ESRRG: variants seen among roughly 807,000 people sequenced by gnomAD.
ESRRG encodes the protein estrogen-related receptor gamma.
A neutral mutation model predicts 44.0 loss-of-function variants in ESRRG; 13 were observed. The ratio of observed to expected loss-of-function variants is 0.30; its 90% CI spans 0.19 to 0.47. The LOEUF (loss-of-function observed/expected upper bound fraction) is 0.47, where lower values mean the gene tolerates loss of function less well. Among genes scored for constraint, ESRRG ranks in the 20% least tolerant of loss-of-function variants. The pLI, the probability that ESRRG is intolerant of heterozygous loss-of-function variation, is 1.00. For synonymous variants in ESRRG, 215 were observed against 214.6 expected (o/e 1.00, Z -0.02); for missense variants, 395 against 580.6 (o/e 0.68, Z 3.29).
intron 2 of ESRRG, among the ~76,000 whole-genome samples, chr1:216,817,894 C>T (rs943944352): frequency 6.6e-5 from 10 of 151,572 alleles, no homozygotes; most frequent in African/African-American, 2.4e-4. Flanking sequence ...ATAGAATATT[C>T]ATCCCTCTAA....
chr1:216,749,661 T>A (rs551248387), intron 2 of ESRRG, among the ~76,000 whole-genome samples: 1 of 152,314 alleles, frequency 6.6e-6, no homozygotes, highest in African/African-American at 2.4e-5. Context: ...TGAGCAATGC[T>A]ATTTTTAATA....
At chr1:216,636,272 ATAT>A (rs1379444506) in intron 3 of ESRRG, among the ~76,000 whole-genome samples, 1 of 152,222 alleles carries the variant, frequency 6.6e-6, no homozygotes, top group Non-Finnish European at 1.5e-5. Context: ...ACTTTGTAAG[ATAT>A]TATACTACTT....
At chr1:216,733,750 G>A (rs2152141422) in intron 2 of ESRRG, among the ~76,000 whole-genome samples, 1 of 152,116 alleles carries the variant, frequency 6.6e-6, no homozygotes, top group South Asian at 2.1e-4. Context: ...CAGCACTCTG[G>A]GAGCCTGAGG....
At chr1:216,655,029 T>G (rs983392497) in intron 2 of ESRRG, among the ~76,000 whole-genome samples, 6 of 152,196 alleles carry the variant, frequency 3.9e-5, no homozygotes, top group African/African-American at 1.2e-4. Context: ...GAAGGGAATC[T>G]GTCAAATAAT....
chr1:216,877,557 C>T (rs375660711), intron 2 of ESRRG, among the ~76,000 whole-genome samples: 1 of 152,032 alleles, frequency 6.6e-6, no homozygotes, highest in South Asian at 2.1e-4. Context: ...GCACGCACCA[C>T]CATACCTGGC....
At chr1:216,554,975 T>G (rs1198054614) in intron 5 of ESRRG, among the ~76,000 whole-genome samples, 1 of 152,176 alleles carries the variant, frequency 6.6e-6, no homozygotes, top group Non-Finnish European at 1.5e-5. Flanking sequence ...TCCCTGATAT[T>G]CCTCACACCT....
intron 2 of ESRRG, among the ~76,000 whole-genome samples, chr1:216,740,116 GCTACAGTCCTATCT>G (rs2090480760): frequency 6.6e-6 from 1 of 152,062 alleles, no homozygotes; most frequent in Admixed American, 6.6e-5. Context: ...TTTTTATCTG[GCTACAGTCCTATCT>G]CTAAATTCTC....
chr1:216,762,152 G>A (rs1349198511), intron 2 of ESRRG, among the ~76,000 whole-genome samples: 2 of 152,062 alleles, frequency 1.3e-5, no homozygotes, highest in Non-Finnish European at 2.9e-5. Flanking sequence ...TATTAAGAAT[G>A]AGCCTATTTC....
intron 2 of ESRRG, among the ~76,000 whole-genome samples, chr1:216,808,951 A>C (rs1382922680): frequency 2.0e-5 from 3 of 152,136 alleles, no homozygotes; most frequent in Admixed American, 1.3e-4. Flanking sequence ...GAAAGAAGAA[A>C]AGAGTTAAAA....
chr1:216,969,740 C>T (rs770811314), intron 1 of ESRRG, among the ~76,000 whole-genome samples: 2 of 152,100 alleles, frequency 1.3e-5, no homozygotes, highest in African/African-American at 4.8e-5. Flanking sequence ...CATGCACCAC[C>T]ATGCCCGGCT....
At chr1:216,772,555 T>A (rs2093426694) in intron 2 of ESRRG, among the ~76,000 whole-genome samples, 1 of 152,156 alleles carries the variant, frequency 6.6e-6, no homozygotes, top group Admixed American at 6.6e-5. Flanking sequence ...TAACATAAGT[T>A]TTCAAGCTGT....
At chr1:216,905,527 C>A (rs555998923) in intron 2 of ESRRG, among the ~76,000 whole-genome samples, 18 of 152,230 alleles carry the variant, frequency 1.2e-4, no homozygotes, top group African/African-American at 4.3e-4. Flanking sequence ...CCTACCACCA[C>A]CCTCTAGAAT....
chr1:216,825,835 T>C (rs749804285), intron 2 of ESRRG, among the ~76,000 whole-genome samples: 2 of 152,192 alleles, frequency 1.3e-5, no homozygotes, highest in Non-Finnish European at 2.9e-5. Context: ...AGCCCAGCAC[T>C]ACTGAAAGAT....
intron 2 of ESRRG, among the ~76,000 whole-genome samples, chr1:216,672,036 AGGAAAGAAAGAAGGAAGGAAGGAAGGAG>A (rs1298461247): frequency 7.4e-6 from 1 of 135,206 alleles, no homozygotes; most frequent in Non-Finnish European, 1.7e-5. Flanking sequence ...GAAGGAAGGA[AGGAAAGAAAGAAGGAAGGAAGGAAGGAG>A]GGAAAGAAGG....
At chr1:216,753,491 A>G (rs7529981) in intron 2 of ESRRG, among the ~76,000 whole-genome samples, 3,873 of 152,222 alleles carry the variant, frequency 0.025, 165 homozygotes, top group African/African-American at 0.088. Flanking sequence ...AAAAACAGTG[A>G]AAGAAAATGT....
chr1:216,860,579 G>A (rs981878410), intron 2 of ESRRG, among the ~76,000 whole-genome samples: 1 of 152,014 alleles, frequency 6.6e-6, no homozygotes, highest in Non-Finnish European at 1.5e-5. Context: ...GTGAAAGCAA[G>A]AAGACAATAT....
At chr1:216,904,207 C>CT (rs529999704) in intron 2 of ESRRG, among the ~76,000 whole-genome samples, 1 of 151,260 alleles carries the variant, frequency 6.6e-6, no homozygotes, top group Non-Finnish European at 1.5e-5. Flanking sequence ...AATCATCACC[C>CT]CCCCCAACTG....
intron 2 of ESRRG, among the ~76,000 whole-genome samples, chr1:216,914,391 T>C (rs945022531): frequency 9.9e-5 from 15 of 152,214 alleles, no homozygotes; most frequent in Non-Finnish European, 2.2e-4. Flanking sequence ...AATACAATGT[T>C]ACTTATAAAA....
chr1:216,779,519 TATAA>T (rs1308067234), intron 2 of ESRRG, among the ~76,000 whole-genome samples: 3 of 35,544 alleles, frequency 8.4e-5, no homozygotes, highest in African/African-American at 4.4e-4. Context: ...TATTTATAAA[TATAA>T]ATATAAATAT....
Sources: allele counts gnomAD v4.1 joint callset (sites outside exome capture counted in the v4.1 genomes callset), GRCh38; gene constraint gnomAD v4.1.1; transcripts MANE v1.5; gene names NCBI Gene and HGNC (gene_info 2026-07-23, HGNC 2026-07-21).